Variants in CNTN3 observed in about 807,000 individuals in gnomAD.
CNTN3 encodes contactin 3.
In CNTN3, 60 loss-of-function variants were observed where a neutral mutation model predicts 119.1. The ratio of observed to expected loss-of-function variants is 0.50; its 90% CI spans 0.41 to 0.62. CNTN3 has a LOEUF of 0.62. Ranked by LOEUF, CNTN3 falls within the 20% of genes least tolerant of loss-of-function variation. CNTN3 has a pLI of 0.00. For missense variants in CNTN3, 1,101 were observed against 1,242.4 expected (o/e 0.89, Z 1.71); for synonymous variants, 450 against 438.7 (o/e 1.03, Z -0.32).
intron 1 of CNTN3, among the ~76,000 whole-genome samples, chr3:74,578,538 T>G (rs1418545837): frequency 6.6e-6 from 1 of 152,036 alleles, no homozygotes; most frequent in Non-Finnish European, 1.5e-5. Flanking sequence ...AGAATATTAT[T>G]AACCCTCAGA....
At chr3:74,569,516 G>C (rs1039836302) in intron 1 of CNTN3, among the ~76,000 whole-genome samples, 2 of 152,140 alleles carry the variant, frequency 1.3e-5, no homozygotes, top group African/African-American at 4.8e-5. Context: ...GGGAGAGAAA[G>C]CTCACTCTCA....
At chr3:74,486,709 T>C in intron 3 of CNTN3, 78 bp from the exon 4 acceptor site, 2 of 1,219,364 alleles carry the variant, frequency 1.6e-6, no homozygotes, top group South Asian at 3.3e-5. Flanking sequence ...AAATCTACTT[T>C]AAACATTATC....
intron 11 of CNTN3, among the ~76,000 whole-genome samples, chr3:74,341,679 T>C (rs971523566): frequency 3.9e-5 from 6 of 152,262 alleles, no homozygotes; most frequent in South Asian, 2.1e-4. Context: ...GTTGTAATTA[T>C]AGTGATGGCA....
At chr3:74,449,057 G>T (rs1279508993) in intron 4 of CNTN3, among the ~76,000 whole-genome samples, 6 of 151,930 alleles carry the variant, frequency 3.9e-5, no homozygotes, top group Non-Finnish European at 7.4e-5. Flanking sequence ...CTTCTATTTT[G>T]ATCTGTGCTT....
At chr3:74,366,784 A>C (rs865941656) in intron 8 of CNTN3, among the ~76,000 whole-genome samples, 4 of 113,078 alleles carry the variant, frequency 3.5e-5, no homozygotes, top group Non-Finnish European at 7.2e-5. Context: ...GTGTGTGTAT[A>C]TATATATATA....
intron 1 of CNTN3, among the ~76,000 whole-genome samples, chr3:74,590,373 A>G (rs529268877): frequency 6.6e-6 from 1 of 152,186 alleles, no homozygotes; most frequent in African/African-American, 2.4e-5. Flanking sequence ...CCCAACTATC[A>G]CAAGACACTT....
chr3:74,439,503 A>G (rs184999657), intron 4 of CNTN3, among the ~76,000 whole-genome samples: 2 of 152,148 alleles, frequency 1.3e-5, no homozygotes, highest in South Asian at 4.1e-4. Flanking sequence ...TGATCATCTA[A>G]AGTTGCATAT....
intron 1 of CNTN3, among the ~76,000 whole-genome samples, chr3:74,561,502 CT>C (rs1704153346): frequency 6.6e-6 from 1 of 152,138 alleles, no homozygotes; most frequent in Admixed American, 6.5e-5. Context: ...GGCACTTGCA[CT>C]TGTTGAAGTC....
chr3:74,592,949 C>T (rs1237191464), intron 1 of CNTN3, among the ~76,000 whole-genome samples: 2 of 151,882 alleles, frequency 1.3e-5, no homozygotes, highest in Admixed American at 6.6e-5. Context: ...TTATTCAGTA[C>T]CTAGTATATT....
intron 4 of CNTN3, among the ~76,000 whole-genome samples, chr3:74,469,278 G>T (rs1702517706): frequency 6.6e-6 from 1 of 152,052 alleles, no homozygotes; most frequent in Non-Finnish European, 1.5e-5. Flanking sequence ...CTAAGCCACT[G>T]ATGTGATTAG....
intron 4 of CNTN3, among the ~76,000 whole-genome samples, chr3:74,432,345 C>T (rs987124272): frequency 4.0e-5 from 6 of 151,382 alleles, no homozygotes; most frequent in Admixed American, 2.6e-4. Context: ...TTGTCTTGGG[C>T]CACACATAAA....
chr3:74,418,590 C>T (rs2106884782), intron 5 of CNTN3, among the ~76,000 whole-genome samples: 1 of 152,008 alleles, frequency 6.6e-6, no homozygotes, highest in East Asian at 1.9e-4. Flanking sequence ...ACCCGCCCAC[C>T]TTGGCTTCCC....
chr3:74,415,082 C>T (rs1345318380), intron 5 of CNTN3, among the ~76,000 whole-genome samples: 1 of 152,050 alleles, frequency 6.6e-6, no homozygotes, highest in African/African-American at 2.4e-5. Flanking sequence ...CCCTGAGTTT[C>T]CACATGTAAT....
rs1172449502 is a variant in CNTN3 at position 74,298,211 on chromosome 3, T to C, written c.2167-20A>G. ...GACTGGCTATAAAGGAAAGACATACTGAATCACCCTTACACATAAGGGCAA... is the reference window on the plus strand; with the variant it reads ...GACTGGCTATAAAGGAAAGACATACCGAATCACCCTTACACATAAGGGCAA... On this transcript the variant is annotated intron_variant, in intron 17 of 22. Transcript: ENST00000263665. 2 of 1,509,570 alleles carry C rather than the reference T, an allele frequency of 1.3e-6. No individual in the cohort carries two copies. Among genetic ancestry groups the C allele is most frequent in the East Asian group, 2.3e-5 (1 of 43,928 alleles). The allele number at this position is 1,509,570 out of a possible 1,614,324, so 93.5% of individuals were successfully genotyped here.
chr3:74,570,362 T>C (rs1365207360), intron 1 of CNTN3, among the ~76,000 whole-genome samples: 7 of 152,094 alleles, frequency 4.6e-5, no homozygotes, highest in Admixed American at 2.6e-4. Context: ...ATTTATAGTA[T>C]TAACCTCTTA....
chr3:74,512,082 G>A (rs1703375846), intron 2 of CNTN3, among the ~76,000 whole-genome samples: 2 of 152,066 alleles, frequency 1.3e-5, no homozygotes, highest in Non-Finnish European at 2.9e-5. Context: ...TTGATGCAAA[G>A]ATAAGCAGTA....
chr3:74,459,450 A>T (rs952613668), intron 4 of CNTN3, among the ~76,000 whole-genome samples: 5 of 152,044 alleles, frequency 3.3e-5, no homozygotes, highest in African/African-American at 1.2e-4. Context: ...TGACCTGCTT[A>T]ATTTATGCCC....
chr3:74,450,429 T>C (rs1269281639), intron 4 of CNTN3, among the ~76,000 whole-genome samples: 4 of 151,866 alleles, frequency 2.6e-5, no homozygotes, highest in Admixed American at 6.6e-5. Context: ...TTCTCTGCAG[T>C]GCTATTTACA....
At chr3:74,516,901 T>C (rs936572291) in intron 2 of CNTN3, among the ~76,000 whole-genome samples, 1 of 151,928 alleles carries the variant, frequency 6.6e-6, no homozygotes, top group Non-Finnish European at 1.5e-5. Context: ...ATCCCTGAGC[T>C]GTTTTTCAGT....
Sources: allele counts gnomAD v4.1 joint callset (sites outside exome capture counted in the v4.1 genomes callset), GRCh38; gene constraint gnomAD v4.1.1; transcripts MANE v1.5; gene names NCBI Gene and HGNC (gene_info 2026-07-23, HGNC 2026-07-21).